Variants in NMT1 observed in about 807,000 individuals in gnomAD.
NMT1 encodes the protein glycylpeptide N-tetradecanoyltransferase 1.
A neutral mutation model predicts 63.4 loss-of-function variants in NMT1; 12 were observed. The ratio of observed to expected loss-of-function variants is 0.19; its 90% CI spans 0.12 to 0.31. The LOEUF (loss-of-function observed/expected upper bound fraction) is 0.31. Among genes scored for constraint, NMT1 ranks in the 10% least tolerant of loss-of-function variants. NMT1 has a pLI of 1.00. For missense variants in NMT1, 432 were observed against 634.6 expected (o/e 0.68, Z 3.43); for synonymous variants, 228 against 234.3 (o/e 0.97, Z 0.25).
intron 5 of NMT1, among the ~76,000 whole-genome samples, chr17:45,096,555 A>G (rs527683384): frequency 6.6e-6 from 1 of 152,344 alleles, no homozygotes; most frequent in East Asian, 1.9e-4. Context: ...TATATAAGAA[A>G]GGAACGGGCA....
At chr17:45,088,529 C>T (rs2054068391) in intron 3 of NMT1, among the ~76,000 whole-genome samples, 3 of 152,068 alleles carry the variant, frequency 2.0e-5, no homozygotes, top group Admixed American at 6.6e-5. Context: ...TCGAGGCAGG[C>T]GGATGACCTG....
At chr17:45,077,420 TG>T (rs2143472222) in intron 1 of NMT1, among the ~76,000 whole-genome samples, 1 of 152,304 alleles carries the variant, frequency 6.6e-6, no homozygotes, top group East Asian at 1.9e-4. Flanking sequence ...GATGGAGTTT[TG>T]ATCTTCTTAC....
chr17:45,077,336 T>C (rs1259300245), intron 1 of NMT1, among the ~76,000 whole-genome samples: 2 of 152,204 alleles, frequency 1.3e-5, no homozygotes, highest in East Asian at 1.9e-4. Context: ...GAATTTATAT[T>C]ATAAATTGTA....
intron 1 of NMT1, among the ~76,000 whole-genome samples, chr17:45,074,065 C>T (rs886875145): frequency 3.3e-5 from 5 of 152,152 alleles, no homozygotes; most frequent in East Asian, 1.9e-4. Context: ...ACCTCCCACC[C>T]GCTCACATAC....
At chr17:45,082,311 C>T (rs1396854771) in intron 2 of NMT1, among the ~76,000 whole-genome samples, 1 of 151,132 alleles carries the variant, frequency 6.6e-6, no homozygotes, top group African/African-American at 2.4e-5. Context: ...GATGGAGTCT[C>T]ACTATGTTAC....
chr17:45,074,455 G>A (rs757746621), intron 1 of NMT1, among the ~76,000 whole-genome samples: 1 of 152,048 alleles, frequency 6.6e-6, no homozygotes, highest in Non-Finnish European at 1.5e-5. Flanking sequence ...TCCTGACCTC[G>A]TGATCTGCCC....
At chr17:45,102,316 A>G (rs762453831) in intron 8 of NMT1, among the ~76,000 whole-genome samples, 2 of 152,224 alleles carry the variant, frequency 1.3e-5, no homozygotes, top group East Asian at 3.9e-4. Context: ...ACAGGATCAC[A>G]TGGTTTCATT....
At position 45,099,295 on chromosome 17, in the gene NMT1, A is replaced by G. The variant is rs1598018271; in HGVS notation, c.885-110A>G. On this transcript the variant is annotated intron_variant, in intron 7 of 11. Transcript: ENST00000258960. ...GGGTGACACCACTGACTCCGGAGGCACCTGATGTGTCTCTCACGCCACCTG... is the reference window on the plus strand; with the variant it reads ...GGGTGACACCACTGACTCCGGAGGCGCCTGATGTGTCTCTCACGCCACCTG... 4.0e-6 allele frequency: 3 copies of G among 754,822 alleles called. 1 individual carries two copies. The South Asian group carries it at 4.5e-5, about 11-fold the overall frequency. 46.8% of individuals were successfully genotyped at this position (754,822 alleles called of 1,614,324 possible).
At chr17:45,063,375 G>C (rs367773471) in intron 1 of NMT1, among the ~76,000 whole-genome samples, 5 of 152,136 alleles carry the variant, frequency 3.3e-5, no homozygotes, top group African/African-American at 1.2e-4. Context: ...CTGAGAAAGA[G>C]GAAGTAGGAA....
intron 1 of NMT1, among the ~76,000 whole-genome samples, chr17:45,067,932 C>T (rs757501888): frequency 5.9e-5 from 9 of 152,204 alleles, no homozygotes; most frequent in Non-Finnish European, 1.2e-4. Flanking sequence ...AATATGCTCA[C>T]GCTAAAATTC....
At chr17:45,092,707 C>CA (rs11355949) in intron 3 of NMT1, among the ~76,000 whole-genome samples, 34 of 115,754 alleles carry the variant, frequency 2.9e-4, no homozygotes, top group African/African-American at 5.4e-4. Flanking sequence ...GAGACTGTCT[C>CA]AAAAAAAAAA....
rs529819679 is a variant in NMT1 at position 45,066,161 on chromosome 17, C to A, written c.131+4701C>A. On this transcript the variant is annotated intron_variant, in intron 1 of 11. Transcript: ENST00000258960. ...CTCTGCCTCCCGGGTTCAAGAAATT[C>A]TCCTGCCTCAGCCTCCTGAGTAGCT... Among the ~76,000 whole-genome samples, 9 of 152,268 alleles carry A rather than the reference C, an allele frequency of 5.9e-5. No homozygotes were observed. In the South Asian group the frequency reaches 1.9e-3, roughly 32 times the overall value.
rs183592083 is a variant in NMT1 at position 45,076,380 on chromosome 17, A to G, written c.132-5264A>G. 1.9e-4 allele frequency among the ~76,000 whole-genome samples: 29 copies of G among 151,412 alleles called. No individual in the cohort carries two copies. The East Asian group carries it at 1.9e-3, about 10-fold the overall frequency. ...GTTTGGGGGTGTTGACTGTAAGACT[A>G]TGTGTACTCATAATGTGTCCTCACG... On this transcript the variant is annotated intron_variant, in intron 1 of 11. Coordinates refer to ENST00000258960, the MANE Select transcript of NMT1 (RefSeq NM_021079.5).
rs368198371 is a variant in NMT1 at position 45,098,569 on chromosome 17, G to T, written c.884+17G>T. 2 of 1,611,608 alleles carry T rather than the reference G, an allele frequency of 1.2e-6. No individual in the cohort carries two copies. Among genetic ancestry groups the T allele is most frequent in the African/African-American group, 1.3e-5 (1 of 74,902 alleles). On this transcript the variant is annotated intron_variant, in intron 7 of 11. Transcript: ENST00000258960. ...CACCTGCAGGTAAAACTGTCTTCCTGTAAGGCCCCAAAAATGCGGGTGTCT... is the reference window on the plus strand; with the variant it reads ...CACCTGCAGGTAAAACTGTCTTCCTTTAAGGCCCCAAAAATGCGGGTGTCT...
intron 1 of NMT1, among the ~76,000 whole-genome samples, chr17:45,081,264 T>A (rs563725602): frequency 7.9e-5 from 12 of 152,264 alleles, no homozygotes; most frequent in Non-Finnish European, 1.8e-4. Context: ...CACTGCCTTT[T>A]GGCTGTCATC....
rs1210814487 is a variant in NMT1, at chr17:45,103,948, C to CCGGGA, written c.1332+75_1332+79dup. The CCGGGA allele has an allele frequency of 6.2e-7, 1 of 1,603,672 alleles. No homozygotes were observed. The highest frequency in any genetic ancestry group is 2.2e-5 in the East Asian group (1 of 44,878). On this transcript the variant is annotated intron_variant, in intron 10 of 11. Transcript: ENST00000258960. The surrounding 1 kb of genome is among the most constrained non-coding windows in gnomAD (Gnocchi z 4.8). ...AGTGGAGCCATGGTGAGCACAGCTC[C>CCGGGA]CGGGACGCAGCCTCCCATGGGCTGG...
At chr17:45,062,325 G>A (rs533787843) in intron 1 of NMT1, among the ~76,000 whole-genome samples, 1 of 152,224 alleles carries the variant, frequency 6.6e-6, no homozygotes, top group Middle Eastern at 3.4e-3. Flanking sequence ...TCTTCACATG[G>A]TTAGTGCCTG....
intron 1 of NMT1, among the ~76,000 whole-genome samples, chr17:45,071,831 T>C (rs534688205): frequency 1.3e-5 from 2 of 152,276 alleles, no homozygotes; most frequent in South Asian, 4.1e-4. Context: ...ACTCCTGGGC[T>C]CAAGAGATCC....
At chr17:45,069,273 A>T (rs1381390895) in intron 1 of NMT1, among the ~76,000 whole-genome samples, 2 of 137,586 alleles carry the variant, frequency 1.5e-5, no homozygotes, top group South Asian at 2.5e-4. Context: ...TTTATTTTTT[A>T]TTATTTATTT....
Sources: allele counts gnomAD v4.1 joint callset (sites outside exome capture counted in the v4.1 genomes callset), GRCh38; gene constraint gnomAD v4.1.1; non-coding constraint Gnocchi (gnomAD v3.1); transcripts MANE v1.5; gene names NCBI Gene and HGNC (gene_info 2026-07-23, HGNC 2026-07-21).